NUP160: variants seen among roughly 807,000 people sequenced by gnomAD.
The protein encoded by NUP160 is nucleoporin 160, also known as nuclear pore complex protein Nup160.
NUP160 carries 94 observed loss-of-function variants against 196.9 expected under a neutral mutation model. That is an observed-to-expected ratio of 0.48 (90% CI 0.40 to 0.57). The LOEUF (loss-of-function observed/expected upper bound fraction) is 0.57. Ranked by LOEUF, NUP160 falls within the 20% of genes least tolerant of loss-of-function variation. The pLI is 0.00. For synonymous variants in NUP160, 605 were observed against 619.7 expected (o/e 0.98, Z 0.35); for missense variants, 1,638 against 1,748.3 (o/e 0.94, Z 1.13).
In NUP160 at chr11:47,825,946, T is replaced by C. The variant is rs559814349; in HGVS notation, c.1102-3782A>G. 8.2e-4 allele frequency among the ~76,000 whole-genome samples: 125 copies of C among 152,160 alleles called. 1 individual carries two copies. Among genetic ancestry groups the C allele is most frequent in the African/African-American group, 2.8e-3 (115 of 41,492 alleles). ...TTGATAAGAGTGATGATGACCCTTA[T>C]ATGCAGCTGTTCACAAAAAAGTATT... is the stretch of plus-strand genomic sequence containing the variant. On this transcript the variant is annotated intron_variant, in intron 7 of 35. Coordinates refer to ENST00000378460, the Ensembl canonical transcript of NUP160.
At chr11:47,812,387 A>C (rs772872175) in exon 16 of NUP160, 3 of 1,613,802 alleles carry the variant, frequency 1.9e-6, no homozygotes, top group Admixed American at 3.3e-5. Context: ...TTGGGTTCCT[A>C]ATCTCTTGCA....
intron 2 of NUP160, among the ~76,000 whole-genome samples, chr11:47,842,096 C>A (rs956259934): frequency 6.6e-6 from 1 of 152,002 alleles, no homozygotes; most frequent in South Asian, 2.1e-4. Context: ...ACATATGTGA[C>A]CTTGCCTTCC....
chr11:47,806,806 C>T (rs879326906), intron 19 of NUP160, among the ~76,000 whole-genome samples: 1,064 of 104,238 alleles, frequency 0.01, 6 homozygotes, highest in South Asian at 0.037. Context: ...CACACACACA[C>T]ACACACACAC....
intron 23 of NUP160, among the ~76,000 whole-genome samples, chr11:47,801,381 C>T (rs547866009): frequency 1.8e-4 from 27 of 151,908 alleles, no homozygotes; most frequent in African/African-American, 5.8e-4. Context: ...GACGGAGTCT[C>T]GCTCTGTCAC....
In NUP160 at chr11:47,807,268, CA is replaced by C. The variant is rs202034455; in HGVS notation, c.2376-129del. The C allele has an allele frequency of 2.8e-3, 1,698 of 616,232 alleles. 27 individuals carry two copies. The African/African-American group carries it at 0.028, about 10-fold the overall frequency. 38.2% of individuals were successfully genotyped at this position (616,232 alleles called of 1,614,324 possible). A position where few individuals can be genotyped will look rare whatever the true frequency, so the allele number is the denominator to read the frequency against. ...GCACATAAAAGCTCCACTGAAAGCA[CA>C]AAAAAAATTGGAAATCATTATAATA... is the stretch of plus-strand genomic sequence containing the variant. On this transcript the variant is annotated intron_variant, in intron 18 of 35. Transcript: ENST00000378460.
At chr11:47,829,283 C>T (rs1852031029) in intron 7 of NUP160, among the ~76,000 whole-genome samples, 1 of 152,110 alleles carries the variant, frequency 6.6e-6, no homozygotes, top group African/African-American at 2.4e-5. Flanking sequence ...AATGGTGACT[C>T]CATAAGATTA....
intron 4 of NUP160, chr11:47,839,625 T>TA: frequency 1.8e-6 from 1 of 564,098 alleles, no homozygotes; most frequent in East Asian, 3.0e-5. Flanking sequence ...TAGGCTGTCT[T>TA]ATACTTGTCT....
chr11:47,788,488 C>T lies in NUP160; in HGVS notation c.3622+13G>A, dbSNP rs372694378. The stretch of plus-strand genomic sequence containing the variant: ...GCTGACAAGTCAGAGGCTTTAAACT[C>T]TTGAATTCCTACCAGCAACTGCAAC... On this transcript the variant is annotated intron_variant, in intron 30 of 35. Transcript: ENST00000378460. The T allele has an allele frequency of 6.2e-7, 1 of 1,609,390 alleles. No homozygotes were observed. Among genetic ancestry groups the T allele is most frequent in the African/African-American group, 1.3e-5 (1 of 74,798 alleles).
chr11:47,779,005 T>C (rs1352834327), exon 36 of NUP160: 3 of 795,828 alleles, frequency 3.8e-6, no homozygotes, highest in African/African-American at 1.7e-5. Context: ...TACACATCAT[T>C]TACAGTTACA....
At chr11:47,833,943 C>T (rs1206928431) in intron 7 of NUP160, among the ~76,000 whole-genome samples, 1 of 152,182 alleles carries the variant, frequency 6.6e-6, no homozygotes, top group Non-Finnish European at 1.5e-5. Flanking sequence ...TGCCTTTTCC[C>T]TTTTTTCACT....
intron 7 of NUP160, among the ~76,000 whole-genome samples, chr11:47,825,380 T>C (rs1175865820): frequency 6.6e-6 from 1 of 151,470 alleles, no homozygotes; most frequent in Non-Finnish European, 1.5e-5. Context: ...CCTCCCAGGT[T>C]CAAGCAATTT....
At chr11:47,821,991 C>A in intron 8 of NUP160, 96 bp downstream of exon 8, 1 of 998,632 alleles carries the variant, frequency 1.0e-6, no homozygotes, top group South Asian at 1.5e-5. Context: ...TGAAATAATT[C>A]CATTTTAAGA....
intron 22 of NUP160, among the ~76,000 whole-genome samples, chr11:47,803,206 G>A (rs944600647): frequency 6.7e-6 from 1 of 149,874 alleles, no homozygotes; most frequent in African/African-American, 2.4e-5. Flanking sequence ...ACACACAGGG[G>A]CAGGAGAGTT....
chr11:47,783,343 G>A, intron 33 of NUP160, 145 bp from the exon 34 acceptor site: 1 of 1,050,242 alleles, frequency 9.5e-7, no homozygotes, highest in Non-Finnish European at 1.3e-6. Context: ...CTGTATCTTA[G>A]GATAAGAGCT....
chr11:47,804,496 C>T (rs2097676295), intron 21 of NUP160, 53 bp downstream of exon 21: 2 of 1,215,504 alleles, frequency 1.6e-6, no homozygotes, highest in Non-Finnish European at 2.3e-6. Context: ...AAAAATTCAG[C>T]AATCCCATGC....
chr11:47,788,450 ATG>A (rs765713582), intron 30 of NUP160, 49 bp downstream of exon 30: 3 of 1,560,008 alleles, frequency 1.9e-6, no homozygotes, highest in Non-Finnish European at 2.6e-6. Context: ...TGGACCTAAA[ATG>A]TGCTCGTGGT....
exon 16 of NUP160, chr11:47,812,311 A>C: frequency 6.2e-7 from 1 of 1,613,934 alleles, no homozygotes; most frequent in Non-Finnish European, 8.5e-7. Context: ...CCTGGATTGA[A>C]TCCCTTTTCC....
exon 27 of NUP160, chr11:47,797,869 C>T: frequency 6.2e-7 from 1 of 1,611,694 alleles, no homozygotes; most frequent in South Asian, 1.1e-5. Context: ...GCACGTGACT[C>T]AATTATTCCC....
chr11:47,816,012 A>G, exon 12 of NUP160: 1 of 1,613,192 alleles, frequency 6.2e-7, no homozygotes, highest in Non-Finnish European at 8.5e-7. Context: ...AATTCCTCTC[A>G]GTTCCTCGGC....
Sources: allele counts gnomAD v4.1 joint callset (sites outside exome capture counted in the v4.1 genomes callset), GRCh38; gene constraint gnomAD v4.1.1; transcripts MANE v1.5; gene names NCBI Gene and HGNC (gene_info 2026-07-23, HGNC 2026-07-21).